The following CCNYL1 variants were observed in gnomAD, a reference collection of about 807,000 sequenced individuals.
CCNYL1 encodes the protein cyclin-Y-like protein 1.
CCNYL1 carries 16 observed loss-of-function variants against 44.2 expected under a neutral mutation model. The ratio of observed to expected loss-of-function variants is 0.36; its 90% CI spans 0.25 to 0.55. The LOEUF (loss-of-function observed/expected upper bound fraction) is 0.55. CCNYL1 is among the 20% of genes least tolerant of loss of function. The pLI is 0.85. For synonymous variants in CCNYL1, 159 were observed against 163.2 expected (o/e 0.97, Z 0.20); for missense variants, 348 against 451.8 (o/e 0.77, Z 2.08).
At chr2:207,750,804 T>G (rs1553536318) in intron 8 of CCNYL1, 153 bp from the exon 9 acceptor site, 2 of 636,446 alleles carry the variant, frequency 3.1e-6, no homozygotes, top group Non-Finnish European at 5.3e-6. Context: ...TAACTGTACC[T>G]TATGTGAACA....
intron 1 of CCNYL1, among the ~76,000 whole-genome samples, chr2:207,719,185 C>T (rs1170739028): frequency 2.0e-5 from 3 of 151,944 alleles, no homozygotes; most frequent in African/African-American, 7.3e-5. Context: ...TGCATATTTG[C>T]TGAAGATGTT....
At position 207,711,738 on chromosome 2, in the gene CCNYL1, G is replaced by C. The variant is rs1221331188; in HGVS notation, c.-159G>C. The C allele has an allele frequency of 1.2e-5, 4 of 336,396 alleles. No homozygotes were observed. The highest frequency in any genetic ancestry group is 2.2e-5 in the African/African-American group (1 of 45,778). 20.8% of individuals were successfully genotyped at this position (336,396 alleles called of 1,614,324 possible). On this transcript the variant is annotated 5_prime_UTR_variant, in exon 1 of 10. Coordinates refer to ENST00000295414, the MANE Select transcript of CCNYL1 (RefSeq NM_001330218.2). The stretch of plus-strand genomic sequence containing the variant: ...GGGCCGGGCCGCGGGGCGGGCGGGC[G>C]AACCGCGGGCGAGGCGGCGTCTGCT...
intron 3 of CCNYL1, among the ~76,000 whole-genome samples, chr2:207,727,771 C>T (rs2091691700): frequency 6.6e-6 from 1 of 152,118 alleles, no homozygotes; most frequent in South Asian, 2.1e-4. Flanking sequence ...GGATATCTCT[C>T]TGAAGTCATC....
At chr2:207,741,278 A>G (rs956961842) in intron 6 of CCNYL1, among the ~76,000 whole-genome samples, 1 of 151,982 alleles carries the variant, frequency 6.6e-6, no homozygotes, top group Non-Finnish European at 1.5e-5. Context: ...TTCAAAGTGT[A>G]TTTAAGAGAA....
chr2:207,722,845 G>C (rs936242148), intron 1 of CCNYL1, among the ~76,000 whole-genome samples: 1 of 152,050 alleles, frequency 6.6e-6, no homozygotes, highest in Admixed American at 6.6e-5. Context: ...TGTAGTCCCA[G>C]CTAGTTGGGA....
Position 207,711,910 on chromosome 2 carries a change from T to C in CCNYL1, c.14T>C (p.Leu5Pro). 1 of 1,397,860 alleles carries C rather than the reference T, an allele frequency of 7.2e-7. No homozygotes were observed. Among genetic ancestry groups the C allele is most frequent in the Middle Eastern group, 2.4e-4 (1 of 4,132 alleles). The allele number at this position is 1,397,860 out of a possible 1,614,324, so 86.6% of individuals were successfully genotyped here. Residue 5 changes from leucine to proline, a missense_variant, in exon 1 of 10, where the codon CTG becomes CCG. Physicochemically the swap from Leu to Pro is moderately conservative, Grantham distance 98. Coordinates refer to ENST00000295414, the MANE Select transcript of CCNYL1 (RefSeq NM_001330218.2). ...CGGAGGCTTCCCATGGGGAACACGC[T>C]GACCTGTTGCGTGTCCCCCAATGCC... MGNT[L>P]TCCVSPNASP...
chr2:207,738,170 A>G (rs916072597), intron 5 of CCNYL1, among the ~76,000 whole-genome samples: 1 of 152,166 alleles, frequency 6.6e-6, no homozygotes, highest in African/African-American at 2.4e-5. Context: ...GGTAAAAGGT[A>G]TATTTTTAAA....
intron 5 of CCNYL1, among the ~76,000 whole-genome samples, chr2:207,737,732 G>GT (rs2091776523): frequency 6.6e-6 from 1 of 151,894 alleles, no homozygotes; most frequent in Non-Finnish European, 1.5e-5. Flanking sequence ...GTTTCTCAAC[G>GT]TTGGCACTGT....
intron 7 of CCNYL1, among the ~76,000 whole-genome samples, chr2:207,745,858 T>TTGAAC (rs1376631671): frequency 6.6e-6 from 1 of 152,144 alleles, no homozygotes; most frequent in Non-Finnish European, 1.5e-5. Flanking sequence ...GGAGAATCGC[T>TTGAAC]TGAACCCAGG....
At chr2:207,740,968 T>G (rs1044264379) in intron 6 of CCNYL1, among the ~76,000 whole-genome samples, 1 of 152,056 alleles carries the variant, frequency 6.6e-6, no homozygotes, top group Non-Finnish European at 1.5e-5. Context: ...TAAAGATATT[T>G]TTTCAGGCCG....
At chr2:207,737,857 A>G (rs1207717804) in intron 5 of CCNYL1, among the ~76,000 whole-genome samples, 1 of 152,172 alleles carries the variant, frequency 6.6e-6, no homozygotes, top group African/African-American at 2.4e-5. Context: ...TGAGAATCAT[A>G]TTGTTAACAT....
chr2:207,728,261 C>CTTTTTTTT (rs571559698), intron 3 of CCNYL1, among the ~76,000 whole-genome samples: 12 of 140,960 alleles, frequency 8.5e-5, no homozygotes, highest in Non-Finnish European at 7.8e-5. Flanking sequence ...TGCACCTGGC[C>CTTTTTTTT]TTTTTTTTTT....
At position 207,716,313 on chromosome 2, in the gene CCNYL1, T is replaced by C. The variant is rs371840185; in HGVS notation, c.220+4197T>C. ...ACCTCTGAGCAACAGATCTTTCCTC[T>C]TTCCAGTAGCTATTTTAAGCCCTCT... On this transcript the variant is annotated intron_variant, in intron 1 of 9. Coordinates refer to ENST00000295414, the MANE Select transcript of CCNYL1 (RefSeq NM_001330218.2). Among the ~76,000 whole-genome samples the C allele has an allele frequency of 4.0e-5, 6 of 151,804 alleles. 1 individual carries two copies. Among genetic ancestry groups the C allele is most frequent in the African/African-American group, 1.4e-4 (6 of 41,476 alleles).
At chr2:207,753,165 A>G (rs1435983681) in intron 9 of CCNYL1, among the ~76,000 whole-genome samples, 1 of 152,212 alleles carries the variant, frequency 6.6e-6, no homozygotes, top group Non-Finnish European at 1.5e-5. Context: ...CCTCATTAAA[A>G]TGTGCTTTGA....
At chr2:207,747,408 T>C (rs2091861877) in intron 8 of CCNYL1, among the ~76,000 whole-genome samples, 195 bp downstream of exon 8, 1 of 152,206 alleles carries the variant, frequency 6.6e-6, no homozygotes, top group Non-Finnish European at 1.5e-5. Flanking sequence ...AAAACTAACT[T>C]CATATTTTCC....
intron 3 of CCNYL1, among the ~76,000 whole-genome samples, chr2:207,729,833 G>A (rs926232953): frequency 2.0e-5 from 3 of 151,654 alleles, no homozygotes; most frequent in Admixed American, 1.3e-4. Context: ...CTTGTGCCTC[G>A]GTCTCTTGAG....
chr2:207,717,610 G>A (rs539412572), intron 1 of CCNYL1, among the ~76,000 whole-genome samples: 1 of 152,280 alleles, frequency 6.6e-6, no homozygotes, highest in South Asian at 2.1e-4. Flanking sequence ...GATGAAAGAT[G>A]GCTGCTCTCC....
chr2:207,724,881 C>A lies in CCNYL1; in HGVS notation c.295+7C>A. Reference sequence around the variant, plus strand: ...AGCAAATCTCAAACGGATGGTAAGACAATACTGTTTTTTCCTTCCAAGGAA... The same window carrying A: ...AGCAAATCTCAAACGGATGGTAAGAAAATACTGTTTTTTCCTTCCAAGGAA... On this transcript the variant is annotated splice_region_variant and intron_variant, in intron 2 of 9. Coordinates refer to ENST00000295414, the MANE Select transcript of CCNYL1 (RefSeq NM_001330218.2). 1 of 1,602,732 alleles carries A rather than the reference C, an allele frequency of 6.2e-7. No individual in the cohort carries two copies. The highest frequency in any genetic ancestry group is 1.1e-5 in the South Asian group (1 of 89,356).
chr2:207,752,778 A>G (rs2091903058), intron 9 of CCNYL1, among the ~76,000 whole-genome samples: 1 of 150,804 alleles, frequency 6.6e-6, no homozygotes, highest in Admixed American at 6.6e-5. Flanking sequence ...TCAGAGGCTC[A>G]TTCCTCCCAG....
Sources: allele counts gnomAD v4.1 joint callset (sites outside exome capture counted in the v4.1 genomes callset), GRCh38; gene constraint gnomAD v4.1.1; transcripts MANE v1.5; gene names NCBI Gene and HGNC (gene_info 2026-07-23, HGNC 2026-07-21).